Variants in PRKRA observed in about 807,000 individuals in gnomAD.
PRKRA encodes protein activator of interferon induced protein kinase EIF2AK2.
In PRKRA, 22 loss-of-function variants were observed where a neutral mutation model predicts 32.4. The ratio of observed to expected loss-of-function variants is 0.68; its 90% CI spans 0.49 to 0.97. PRKRA has a LOEUF of 0.97. Ranked by LOEUF, PRKRA falls within the 50% of genes least tolerant of loss-of-function variation. The pLI, the probability that PRKRA is intolerant of heterozygous loss-of-function variation, is 0.00. For missense variants in PRKRA, 319 were observed against 375.6 expected, an observed-to-expected ratio of 0.85 and a Z score of 1.25; for synonymous variants, 139 against 129.8, an observed-to-expected ratio of 1.07 and a Z score of -0.48.
chr2:178,436,091 A>C (rs1014947004), intron 7 of PRKRA, 54 bp downstream of exon 7: 1 of 1,193,074 alleles, frequency 8.4e-7, no homozygotes, highest in Admixed American at 2.7e-5. Context: ...TTGTTCCTCA[A>C]ACACATTTTT....
At chr2:178,433,913 AAACTGG>A (rs1696774509) in intron 7 of PRKRA, 1 of 152,212 alleles carries the variant, frequency 6.6e-6, no homozygotes. Context: ...TTAGTTCTCA[AAACTGG>A]GAAGAAATGT....
At chr2:178,450,211 T>C (rs1308372207) in intron 2 of PRKRA, 31 bp downstream of exon 2, 2 of 1,614,152 alleles carry the variant, frequency 1.2e-6, no homozygotes, top group Admixed American at 3.3e-5. Flanking sequence ...GCCAACCCAC[T>C]CGGTCATCCA....
At chr2:178,450,758 G>T (rs1697573331) in intron 1 of PRKRA, 1 of 1,343,796 alleles carries the variant, frequency 7.4e-7, no homozygotes, top group African/African-American at 1.5e-5. Flanking sequence ...CCCGCCCCGC[G>T]CGCCGCCAGG....
chr2:178,441,941 A>G (rs1430641732), intron 5 of PRKRA, among the ~76,000 whole-genome samples: 1 of 142,974 alleles, frequency 7.0e-6, no homozygotes, highest in African/African-American at 2.7e-5. Context: ...GCTGGAGTGC[A>G]GTGGCACCAT....
intron 5 of PRKRA, 83 bp from the exon 6 acceptor site, chr2:178,441,787 T>C: frequency 8.6e-7 from 1 of 1,158,444 alleles, no homozygotes; most frequent in Non-Finnish European, 1.3e-6. Flanking sequence ...GTACTGTGTT[T>C]AATCAGAGAA....
intron 2 of PRKRA, chr2:178,449,972 T>C (rs1014293754): frequency 3.7e-6 from 2 of 540,962 alleles, no homozygotes; most frequent in African/African-American, 1.9e-5. Flanking sequence ...CCTAGGAGGA[T>C]CCTAGGGTAT....
Position 178,450,326 on chromosome 2 carries a change from C to A in PRKRA, c.151G>T (p.Val51Phe), listed in dbSNP as rs1158465123. ...EYGMKTKNIP[V>F]YECERSDVQI... ...ACATCAGATCTTTCACATTCATAAA[C>A]TGGGATGTTCTTGGTCTTCATGCCG... Residue 51 changes from valine to phenylalanine, a missense_variant, in exon 2 of 8, where the codon GTT becomes TTT. Val to Phe is a conservative substitution (Grantham distance 50). Transcript: ENST00000325748. 1 of 1,614,146 alleles carries A rather than the reference C, an allele frequency of 6.2e-7. No homozygotes were observed. The highest frequency in any genetic ancestry group is 8.5e-7 in the Non-Finnish European group (1 of 1,180,058).
chr2:178,439,916 T>C (rs914202839), intron 6 of PRKRA: 15 of 152,202 alleles, frequency 9.9e-5, no homozygotes, highest in Non-Finnish European at 2.2e-4. Context: ...ATTTTAATAT[T>C]GTACTGAACA....
chr2:178,447,716 C>CT, intron 2 of PRKRA, 130 bp from the exon 3 acceptor site: 1 of 927,372 alleles, frequency 1.1e-6, no homozygotes, highest in Non-Finnish European at 1.7e-6. Flanking sequence ...AAAATATGTA[C>CT]GTTATATACT....
chr2:178,432,108 C>A lies in PRKRA; in HGVS notation c.931G>T (p.Glu311Ter). The change falls in exon 8 of 8, where the codon GAA becomes TAA. Residue 311 changes from glutamate (E) to a stop codon, truncating the protein, a stop_gained. Coordinates refer to ENST00000325748, the MANE Select transcript of PRKRA (RefSeq NM_003690.5). LOFTEE classifies it high-confidence loss of function. ...AAGTTGCTCCAGATTTACTTTCTTT[C>A]TGCTATTATCTTTAAATACTGCAAA... ...NALQYLKIIA[E>*]RK 2 of 1,614,166 alleles carry A rather than the reference C, an allele frequency of 1.2e-6. No individual in the cohort carries two copies. The highest frequency in any genetic ancestry group is 1.7e-6 in the Non-Finnish European group (2 of 1,180,018).
chr2:178,444,600 TG>T lies in PRKRA; in HGVS notation c.318-101del, dbSNP rs781247212. On this transcript the variant is annotated intron_variant, in intron 3 of 7. Transcript: ENST00000325748. ...AATTAACTCTCTATGTCTTTGCTCT[TG>T]TCATTCCTTCTACATGGAATGCCCT... 1.7e-5 allele frequency: 12 copies of T among 719,682 alleles called. No homozygotes were observed. The South Asian group carries it at 2.0e-4, about 12-fold the overall frequency. The allele number at this position is 719,682 out of a possible 1,614,324, so 44.6% of individuals were successfully genotyped here.
intron 3 of PRKRA, chr2:178,447,252 A>C: frequency 2.2e-6 from 1 of 454,340 alleles, no homozygotes; most frequent in Non-Finnish European, 3.9e-6. Context: ...CTGATTTTCT[A>C]CTGTTGTATC....
Position 178,447,542 on chromosome 2 carries a change from C to T in PRKRA, c.280G>A (p.Ala94Thr). The T allele has an allele frequency of 1.2e-6, 2 of 1,614,130 alleles. No homozygotes were observed. The highest frequency in any genetic ancestry group is 1.7e-6 in the Non-Finnish European group (2 of 1,179,986). Residue 94 changes from alanine (A) to threonine (T), a missense_variant, in exon 3 of 8, where the codon GCT becomes ACT. Transcript: ENST00000325748. ...KKLAKHRAAE[A>T]AINILKANAS... ...TTGGCTTTCAAAATGTTTATGGCAG[C>T]CTCTGCAGCTCTATGTTTCGCCAGC...
chr2:178,436,299 A>G lies in PRKRA; in HGVS notation c.630T>C (p.Ser210=), dbSNP rs1468115806. The part of the protein sequence containing the change: ...HISLTNVVGH[S]LGCTWHSLRN... ...TCAAGGAATGCCAAGTACATCCTAA[A>G]GAATGTCCTACTACATTTGTCTGAA... The change falls in exon 7 of 8, where the codon TCT becomes TCC. Residue 210 remains serine (S), a synonymous_variant. Transcript: ENST00000325748. 3.1e-6 allele frequency: 5 copies of G among 1,613,812 alleles called. No individual in the cohort carries two copies. In the African/African-American group the frequency reaches 6.7e-5, roughly 22 times the overall value.
intron 1 of PRKRA, chr2:178,450,646 T>C: frequency 6.9e-7 from 1 of 1,441,918 alleles, no homozygotes; most frequent in Non-Finnish European, 9.0e-7. Flanking sequence ...TGAATGCGGG[T>C]AGGAGAGATT....
At chr2:178,441,887 CTTTTTTTT>C (rs541455452) in intron 5 of PRKRA, among the ~76,000 whole-genome samples, 183 bp from the exon 6 acceptor site, 1 of 131,748 alleles carries the variant, frequency 7.6e-6, no homozygotes, top group Non-Finnish European at 1.6e-5. Flanking sequence ...GCTATTAATT[CTTTTTTTT>C]TTTTTTTTTG....
At position 178,436,134 on chromosome 2, in the gene PRKRA, A is replaced by T. The variant is rs777219722; in HGVS notation, c.784+11T>A. 1 of 792,716 alleles carries T rather than the reference A, an allele frequency of 1.3e-6. No individual in the cohort carries two copies. The highest frequency in any genetic ancestry group is 1.8e-6 in the Non-Finnish European group (1 of 547,472). The allele number at this position is 792,716 out of a possible 1,614,324, so 49.1% of individuals were successfully genotyped here. On this transcript the variant is annotated intron_variant, in intron 7 of 7. Transcript: ENST00000325748. ...CATGTCTTGGGAAAGCCAAAGAAAAAAAAATCATACCTATATCCAAATATG... is the reference window on the plus strand; with the variant it reads ...CATGTCTTGGGAAAGCCAAAGAAAATAAAATCATACCTATATCCAAATATG...
At chr2:178,443,567 C>T (rs925052694) in intron 4 of PRKRA, 183 bp from the exon 5 acceptor site, 10 of 536,400 alleles carry the variant, frequency 1.9e-5, no homozygotes, top group East Asian at 6.7e-5. Flanking sequence ...TATTTTTATA[C>T]CCCAATACCA....
chr2:178,447,490 A>G lies in PRKRA; in HGVS notation c.317+15T>C, dbSNP rs1356327422. 1.0e-6 allele frequency: 1 copy of G among 989,294 alleles called. No individual in the cohort carries two copies. Among genetic ancestry groups the G allele is most frequent in the Admixed American group, 2.9e-5 (1 of 34,398 alleles). The allele number at this position is 989,294 out of a possible 1,614,324, so 61.3% of individuals were successfully genotyped here. A position where few individuals can be genotyped will look rare whatever the true frequency, so the allele number is the denominator to read the frequency against. On this transcript the variant is annotated intron_variant, in intron 3 of 7. Coordinates refer to ENST00000325748, the MANE Select transcript of PRKRA (RefSeq NM_003690.5). The stretch of plus-strand genomic sequence containing the variant: ...GATATTTTTGAGCTGCTGAATACAA[A>G]GAAATTTAGCTCACCAAATACTTGC...
Sources: gnomAD v4.1 joint callset for allele counts (sites outside exome capture counted in the v4.1 genomes callset) on GRCh38, gnomAD v4.1.1 for gene constraint, MANE v1.5 for transcripts, NCBI Gene and HGNC (gene_info 2026-07-23, HGNC 2026-07-21) for gene names.